PTPRN2: variants seen among roughly 807,000 people sequenced by gnomAD.
PTPRN2 encodes the protein receptor-type tyrosine-protein phosphatase N2.
In PTPRN2, 74 loss-of-function variants were observed where a neutral mutation model predicts 118.8. The observed-to-expected ratio is 0.62, with a 90% CI of 0.52 to 0.76. The LOEUF is 0.76. PTPRN2 is among the 30% of genes least tolerant of loss of function. The pLI is 0.00. For synonymous variants in PTPRN2, 641 were observed against 608.0 expected (o/e 1.05, Z -0.80); for missense variants, 1,481 against 1,394.4 (o/e 1.06, Z -0.99).
At chr7:157,769,382 G>A (rs768058780) in intron 12 of PTPRN2, among the ~76,000 whole-genome samples, 5 of 152,164 alleles carry the variant, frequency 3.3e-5, no homozygotes, top group Non-Finnish European at 5.9e-5. Context: ...CCCCTTCCCT[G>A]GATGACTCCC....
chr7:158,368,788 A>G lies in PTPRN2; in HGVS notation c.164-51856T>C, dbSNP rs545513980. On this transcript the variant is annotated intron_variant, in intron 2 of 22. Transcript: ENST00000389418. ...AAGTCTTCCTCCTTGCTGTGGCCAC[A>G]CAGAAACTGTAATTTTAGGACGAGA... 2.0e-5 allele frequency among the ~76,000 whole-genome samples: 3 copies of G among 152,332 alleles called. No individual in the cohort carries two copies. The South Asian group carries it at 6.2e-4, about 32-fold the overall frequency.
intron 2 of PTPRN2, among the ~76,000 whole-genome samples, chr7:158,341,019 A>C (rs375650473): frequency 4.1e-5 from 1 of 24,178 alleles, no homozygotes; most frequent in Non-Finnish European, 8.6e-5. Flanking sequence ...TGCAGACGTC[A>C]CTCACACCCA....
chr7:158,368,713 G>T (rs1468566114), intron 2 of PTPRN2, among the ~76,000 whole-genome samples: 2 of 152,138 alleles, frequency 1.3e-5, no homozygotes, highest in Non-Finnish European at 2.9e-5. Flanking sequence ...TCCCCTGCAG[G>T]TCCCTCAGAG....
chr7:158,444,452 A>G (rs943794705), intron 2 of PTPRN2, among the ~76,000 whole-genome samples: 5 of 152,226 alleles, frequency 3.3e-5, no homozygotes, highest in African/African-American at 7.2e-5. Flanking sequence ...CCTGCTGCAA[A>G]CGTCAGTTTG....
intron 5 of PTPRN2, among the ~76,000 whole-genome samples, chr7:158,182,675 A>C (rs1375449109): frequency 6.6e-6 from 1 of 152,206 alleles, no homozygotes; most frequent in Non-Finnish European, 1.5e-5. Context: ...ATGGCTGCAT[A>C]GTATTCCATG....
chr7:157,717,506 G>A (rs924590151), intron 12 of PTPRN2, among the ~76,000 whole-genome samples: 3 of 152,258 alleles, frequency 2.0e-5, no homozygotes, highest in African/African-American at 4.8e-5. Flanking sequence ...AATTGACCGC[G>A]GAAGCCAGTG....
intron 11 of PTPRN2, among the ~76,000 whole-genome samples, chr7:158,069,346 A>G (rs772373546): frequency 6.6e-6 from 1 of 152,208 alleles, no homozygotes; most frequent in Non-Finnish European, 1.5e-5. Flanking sequence ...ACTTACAGGT[A>G]CATCACCACG....
At chr7:158,413,391 A>G (rs1454923794) in intron 2 of PTPRN2, among the ~76,000 whole-genome samples, 1 of 152,276 alleles carries the variant, frequency 6.6e-6, no homozygotes, top group Non-Finnish European at 1.5e-5. Flanking sequence ...ACCCGAATGC[A>G]CACAAAAAAA....
chr7:158,255,716 C>G (rs12698181), intron 3 of PTPRN2, among the ~76,000 whole-genome samples: 13,293 of 149,992 alleles, frequency 0.089, 643 homozygotes, highest in East Asian at 0.13. Context: ...CACCCTTGCA[C>G]TGGGCCCTGA....
At chr7:157,890,078 T>G (rs1454291983) in intron 12 of PTPRN2, among the ~76,000 whole-genome samples, 1 of 152,156 alleles carries the variant, frequency 6.6e-6, no homozygotes, top group African/African-American at 2.4e-5. Context: ...AGTCAGTTTT[T>G]TTTTTTTGGT....
In PTPRN2 at chr7:157,715,066, G is replaced by A. The variant is rs559051611; in HGVS notation, c.1789-32129C>T. 1.1e-4 allele frequency among the ~76,000 whole-genome samples: 17 copies of A among 152,362 alleles called. No homozygotes were observed. In the South Asian group the frequency reaches 2.5e-3, roughly 22 times the overall value. ...CTTCCTGGGGAAGAGCTCTGAGCCC[G>A]ACGCGCTTGTCCTGCTTTCTGAGCA... On this transcript the variant is annotated intron_variant, in intron 12 of 22. Coordinates refer to ENST00000389418, the MANE Select transcript of PTPRN2 (RefSeq NM_002847.5).
intron 12 of PTPRN2, among the ~76,000 whole-genome samples, chr7:157,768,541 T>C (rs1206133078): frequency 1.3e-5 from 2 of 152,242 alleles, no homozygotes; most frequent in East Asian, 3.9e-4. Context: ...GGGGATGACG[T>C]GAGGCTCCCC....
intron 12 of PTPRN2, among the ~76,000 whole-genome samples, chr7:157,725,413 G>C (rs1161464729): frequency 7.0e-5 from 6 of 85,724 alleles, no homozygotes; most frequent in African/African-American, 3.0e-4. Context: ...ACACAGAGGA[G>C]TGAGCCAGAC....
chr7:158,424,655 C>T (rs1242000631), intron 2 of PTPRN2, among the ~76,000 whole-genome samples: 1 of 152,266 alleles, frequency 6.6e-6, no homozygotes, highest in African/African-American at 2.4e-5. Context: ...CCGCAGAGCG[C>T]GGCCCTGAGA....
intron 1 of PTPRN2, among the ~76,000 whole-genome samples, chr7:158,545,049 GC>G (rs1252160106): frequency 1.3e-5 from 2 of 152,214 alleles, no homozygotes; most frequent in African/African-American, 4.8e-5. Context: ...CTCCAGCCCA[GC>G]CCCACCCACG....
intron 2 of PTPRN2, among the ~76,000 whole-genome samples, chr7:158,376,705 C>G (rs1394632904): frequency 4.6e-5 from 3 of 65,720 alleles, no homozygotes; most frequent in African/African-American, 6.4e-5. Context: ...GTCCTGCACG[C>G]GGGGTCAGGG....
intron 12 of PTPRN2, among the ~76,000 whole-genome samples, chr7:157,843,910 A>G (rs1372216319): frequency 6.6e-6 from 1 of 152,146 alleles, no homozygotes; most frequent in Non-Finnish European, 1.5e-5. Context: ...AGGGCTCCAC[A>G]TTGGGGTCCT....
At chr7:158,257,214 C>T (rs1797078290) in intron 3 of PTPRN2, among the ~76,000 whole-genome samples, 2 of 152,126 alleles carry the variant, frequency 1.3e-5, no homozygotes, top group South Asian at 2.1e-4. Context: ...TGGAGAGACC[C>T]GGGCACACGG....
chr7:158,358,425 C>T (rs190582346), intron 2 of PTPRN2, among the ~76,000 whole-genome samples: 58 of 152,324 alleles, frequency 3.8e-4, no homozygotes, highest in African/African-American at 1.3e-3. Context: ...CCAGTTATCA[C>T]AATATTCGGC....
Sources: gnomAD v4.1 joint callset for allele counts (sites outside exome capture counted in the v4.1 genomes callset) on GRCh38, gnomAD v4.1.1 for gene constraint, MANE v1.5 for transcripts, NCBI Gene and HGNC (gene_info 2026-07-23, HGNC 2026-07-21) for gene names.